CTIF: variants seen among roughly 807,000 people sequenced by gnomAD.
CTIF encodes the protein CBP80/20-dependent translation initiation factor.
In CTIF, 21 loss-of-function variants were observed where a neutral mutation model predicts 66.0. The observed-to-expected ratio is 0.32, with a 90% confidence interval of 0.23 to 0.46. CTIF has a LOEUF of 0.46. CTIF is among the 20% of genes least tolerant of loss of function. The probability of loss-of-function intolerance (pLI) is 1.00; values close to 1 mark genes in which losing one functional copy is unlikely to be tolerated. For synonymous variants in CTIF, 345 were observed against 326.4 expected (o/e 1.06, Z -0.62); for missense variants, 739 against 812.7 (o/e 0.91, Z 1.10).
At chr18:48,620,281 G>A (rs912226118) in intron 2 of CTIF, among the ~76,000 whole-genome samples, 10 of 152,182 alleles carry the variant, frequency 6.6e-5, no homozygotes, top group Non-Finnish European at 1.5e-4. Context: ...CCAGCGTCAT[G>A]TTTGGTCCTG....
intron 9 of CTIF, among the ~76,000 whole-genome samples, chr18:48,816,382 G>A (rs2068364223): frequency 6.6e-6 from 1 of 152,132 alleles, no homozygotes; most frequent in Non-Finnish European, 1.5e-5. Context: ...AGCTCTCAGA[G>A]CGCTGAGGTT....
At chr18:48,660,756 C>T (rs567232661) in intron 3 of CTIF, among the ~76,000 whole-genome samples, 15 of 152,222 alleles carry the variant, frequency 9.9e-5, no homozygotes, top group Non-Finnish European at 1.9e-4. Flanking sequence ...GGAGTAGTAG[C>T]CAAGATGCCA....
At chr18:48,845,909 C>T (rs551072445) in intron 10 of CTIF, among the ~76,000 whole-genome samples, 1 of 152,332 alleles carries the variant, frequency 6.6e-6, no homozygotes, top group Admixed American at 6.5e-5. Flanking sequence ...TCCTCCCTTC[C>T]TGCCAGCCTT....
intron 7 of CTIF, among the ~76,000 whole-genome samples, chr18:48,730,385 TCC>T (rs2092434943): frequency 1.1e-5 from 1 of 88,456 alleles, no homozygotes; most frequent in Non-Finnish European, 2.3e-5. Context: ...TGTGAGGGGC[TCC>T]TGCTGTGTGA....
intron 2 of CTIF, among the ~76,000 whole-genome samples, chr18:48,627,156 G>A (rs2090619234): frequency 6.6e-6 from 1 of 152,158 alleles, no homozygotes; most frequent in Non-Finnish European, 1.5e-5. Flanking sequence ...TGATCTCCTA[G>A]ACATTGTTTG....
chr18:48,773,148 A>G (rs916342993), intron 9 of CTIF, among the ~76,000 whole-genome samples: 7 of 152,150 alleles, frequency 4.6e-5, no homozygotes, highest in Non-Finnish European at 1.0e-4. Context: ...AAAATCATAG[A>G]CCAGTGTAGA....
intron 6 of CTIF, among the ~76,000 whole-genome samples, chr18:48,689,348 G>T (rs765151509): frequency 6.6e-6 from 1 of 152,172 alleles, no homozygotes; most frequent in Non-Finnish European, 1.5e-5. Flanking sequence ...CAGAGTGGCC[G>T]AGTCACCTCC....
intron 1 of CTIF, among the ~76,000 whole-genome samples, chr18:48,551,406 C>T (rs962711164): frequency 6.6e-6 from 1 of 152,070 alleles, no homozygotes; most frequent in Non-Finnish European, 1.5e-5. Context: ...TGTGGCCCTG[C>T]TCACACCTTG....
At chr18:48,547,136 G>A (rs1021703241) in intron 1 of CTIF, among the ~76,000 whole-genome samples, 56 of 152,114 alleles carry the variant, frequency 3.7e-4, no homozygotes, top group African/African-American at 1.2e-3. Context: ...GGTGCCCCTC[G>A]GTAGGAACCT....
chr18:48,629,518 T>C (rs1016913458), intron 2 of CTIF, among the ~76,000 whole-genome samples: 6 of 152,210 alleles, frequency 3.9e-5, no homozygotes, highest in Non-Finnish European at 7.4e-5. Flanking sequence ...CCCTTGACAC[T>C]CCAGTGTGTA....
intron 3 of CTIF, among the ~76,000 whole-genome samples, chr18:48,662,976 A>G (rs1016492976): frequency 2.0e-5 from 3 of 152,034 alleles, no homozygotes; most frequent in Non-Finnish European, 4.4e-5. Context: ...CTTTCTGTAC[A>G]TGTCTTTTGG....
intron 6 of CTIF, among the ~76,000 whole-genome samples, chr18:48,681,816 A>G (rs1282161015): frequency 6.7e-6 from 1 of 150,298 alleles, no homozygotes; most frequent in Non-Finnish European, 1.5e-5. Context: ...ATGGTGTTTC[A>G]CTCTTGTCAC....
At chr18:48,841,075 G>T (rs749164327) in intron 10 of CTIF, among the ~76,000 whole-genome samples, 1 of 152,188 alleles carries the variant, frequency 6.6e-6, no homozygotes, top group African/African-American at 2.4e-5. Flanking sequence ...ACCCTTGCTC[G>T]TTATTTATGC....
At chr18:48,719,442 C>T (rs542652946) in intron 7 of CTIF, among the ~76,000 whole-genome samples, 1 of 152,172 alleles carries the variant, frequency 6.6e-6, no homozygotes, top group Non-Finnish European at 1.5e-5. Flanking sequence ...AGTCGGAGTC[C>T]TATATCTATA....
At chr18:48,687,149 G>T (rs1387972420) in intron 6 of CTIF, among the ~76,000 whole-genome samples, 1 of 152,062 alleles carries the variant, frequency 6.6e-6, no homozygotes, top group East Asian at 1.9e-4. Context: ...GGGAGTCGGG[G>T]ATAAAGCGAT....
intron 7 of CTIF, among the ~76,000 whole-genome samples, chr18:48,745,742 C>G (rs1411993583): frequency 6.6e-6 from 1 of 152,206 alleles, no homozygotes; most frequent in Non-Finnish European, 1.5e-5. Flanking sequence ...TGCTACAAGT[C>G]CCTTGTATTT....
intron 10 of CTIF, among the ~76,000 whole-genome samples, chr18:48,848,703 C>A (rs2069132822): frequency 6.6e-6 from 1 of 152,236 alleles, no homozygotes; most frequent in Non-Finnish European, 1.5e-5. Context: ...CCTGGGCATG[C>A]CTTGGGCAGC....
intron 2 of CTIF, among the ~76,000 whole-genome samples, chr18:48,626,000 C>CTTTTTTTTTTTTTTTTTTTTTTTTTTTTT (rs74174709): frequency 1.8e-5 from 2 of 109,174 alleles, no homozygotes; most frequent in African/African-American, 3.9e-5. Flanking sequence ...CTTTTTCTTT[C>CTTTTTTTTTTTTTTTTTTTTTTTTTTTTT]TTTTTTTTTT....
chr18:48,840,928 G>A (rs993112416), intron 10 of CTIF, among the ~76,000 whole-genome samples: 3 of 135,532 alleles, frequency 2.2e-5, no homozygotes, highest in African/African-American at 8.6e-5. Flanking sequence ...GCTACTACAA[G>A]TGTTGATCCT....
Sources: allele counts gnomAD v4.1 joint callset (sites outside exome capture counted in the v4.1 genomes callset), GRCh38; gene constraint gnomAD v4.1.1; transcripts MANE v1.5; gene names NCBI Gene and HGNC (gene_info 2026-07-23, HGNC 2026-07-21).